The following CSMD1 variants were observed in gnomAD, a reference collection of about 807,000 sequenced individuals.
The protein encoded by CSMD1 is CUB and sushi domain-containing protein 1.
A neutral mutation model predicts 417.5 loss-of-function variants in CSMD1; 213 were observed. The observed-to-expected ratio is 0.51, with a 90% confidence interval of 0.46 to 0.57. The LOEUF (loss-of-function observed/expected upper bound fraction) is 0.57, where lower values mean the gene tolerates loss of function less well. Among genes scored for constraint, CSMD1 ranks in the 20% least tolerant of loss-of-function variants. The pLI is 0.00. For synonymous variants in CSMD1, 2,862 were observed against 1,736.8 expected, an observed-to-expected ratio of 1.65 and a Z score of -16.11; for missense variants, 6,923 against 4,529.7, an observed-to-expected ratio of 1.53 and a Z score of -15.17.
intron 15 of CSMD1, among the ~76,000 whole-genome samples, chr8:3,404,818 C>T (rs1336824604): frequency 3.3e-5 from 5 of 152,014 alleles, no homozygotes; most frequent in Non-Finnish European, 7.4e-5. Context: ...ACCTGAGACG[C>T]TTTGAGCTTA....
chr8:4,953,329 T>G (rs1808874177), intron 1 of CSMD1, among the ~76,000 whole-genome samples: 1 of 152,160 alleles, frequency 6.6e-6, no homozygotes, highest in African/African-American at 2.4e-5. Flanking sequence ...GAACTTGTTG[T>G]AACTTTTCAT....
chr8:3,551,833 G>A (rs950160546), intron 10 of CSMD1, among the ~76,000 whole-genome samples: 18 of 152,058 alleles, frequency 1.2e-4, no homozygotes, highest in African/African-American at 3.9e-4. Context: ...CAGTCTAGAC[G>A]TGGCTTTAGC....
chr8:4,905,426 C>G (rs1805179272), intron 1 of CSMD1, among the ~76,000 whole-genome samples: 3 of 152,016 alleles, frequency 2.0e-5, no homozygotes, highest in Admixed American at 2.0e-4. Flanking sequence ...AATACATATA[C>G]ATGTACACAT....
intron 6 of CSMD1, among the ~76,000 whole-genome samples, chr8:3,749,118 T>C (rs919760678): frequency 1.3e-5 from 2 of 152,160 alleles, no homozygotes; most frequent in Non-Finnish European, 2.9e-5. Context: ...TTTCAAAAAA[T>C]TTATCTTGTA....
chr8:3,024,979 T>C (rs1451872641), intron 51 of CSMD1, among the ~76,000 whole-genome samples: 2 of 151,924 alleles, frequency 1.3e-5, no homozygotes, highest in East Asian at 1.9e-4. Context: ...GTGGTGTTAT[T>C]CTAAAACTGT....
intron 11 of CSMD1, among the ~76,000 whole-genome samples, chr8:3,492,882 G>T (rs890476950): frequency 6.6e-6 from 1 of 152,108 alleles, no homozygotes; most frequent in African/African-American, 2.4e-5. Context: ...AGGAAGTCTG[G>T]AAAGGTGTAT....
chr8:4,670,677 A>G (rs745551537), intron 1 of CSMD1, among the ~76,000 whole-genome samples: 3 of 152,204 alleles, frequency 2.0e-5, no homozygotes, highest in Non-Finnish European at 4.4e-5. Context: ...AAATATTACT[A>G]TGATAGGTTT....
intron 3 of CSMD1, among the ~76,000 whole-genome samples, chr8:4,243,268 A>G (rs1210488405): frequency 1.3e-5 from 2 of 152,168 alleles, no homozygotes. Context: ...TTTCTTACCT[A>G]GTCTCATGAA....
intron 3 of CSMD1, among the ~76,000 whole-genome samples, chr8:4,172,172 G>C (rs891016472): frequency 6.6e-6 from 1 of 152,040 alleles, no homozygotes; most frequent in Non-Finnish European, 1.5e-5. Context: ...AAGTGTTTGT[G>C]CCTTTTAATG....
intron 3 of CSMD1, among the ~76,000 whole-genome samples, chr8:4,350,309 T>C (rs1288268112): frequency 2.6e-5 from 4 of 152,250 alleles, no homozygotes; most frequent in East Asian, 3.9e-4. Context: ...CTACTTGAGG[T>C]CTAACAGGCT....
intron 5 of CSMD1, among the ~76,000 whole-genome samples, chr8:3,834,351 G>A (rs76048382): frequency 0.012 from 1,835 of 152,166 alleles, 34 homozygotes; most frequent in African/African-American, 0.041. Context: ...GTAAGGTGGG[G>A]ACTGAGTTTA....
At chr8:4,317,328 G>T (rs1364298887) in intron 3 of CSMD1, among the ~76,000 whole-genome samples, 1 of 152,146 alleles carries the variant, frequency 6.6e-6, no homozygotes, top group Non-Finnish European at 1.5e-5. Flanking sequence ...CTAACGTGGG[G>T]TGCAGTGAAA....
chr8:4,753,413 A>C lies in CSMD1; in HGVS notation c.86-115855T>G, dbSNP rs1452077210. On this transcript the variant is annotated intron_variant, in intron 1 of 69. Coordinates refer to ENST00000635120, the MANE Select transcript of CSMD1 (RefSeq NM_033225.6). ...ACTTTCCACCATAAACCACACACAC[A>C]CACACACACACACACACACACACAC... 6.7e-3 allele frequency among the ~76,000 whole-genome samples: 322 copies of C among 48,208 alleles called. 5 individuals are homozygous for C. The highest frequency in any genetic ancestry group is 0.022 in the Middle Eastern group (2 of 92). 31.6% of individuals were successfully genotyped at this position (48,208 alleles called of 152,430 possible).
At chr8:3,585,209 T>C (rs893875322) in intron 9 of CSMD1, among the ~76,000 whole-genome samples, 2 of 152,202 alleles carry the variant, frequency 1.3e-5, no homozygotes, top group Non-Finnish European at 2.9e-5. Flanking sequence ...AGTGACGTGT[T>C]TGGTAACTAG....
At chr8:2,978,544 C>T (rs774089340) in intron 55 of CSMD1, 68 bp downstream of exon 55, 64 of 1,257,656 alleles carry the variant, frequency 5.1e-5, no homozygotes, top group African/African-American at 3.5e-4. Context: ...AATATACTTA[C>T]GGAATTTTCT....
chr8:4,913,702 A>G (rs933498617), intron 1 of CSMD1, among the ~76,000 whole-genome samples: 8 of 152,270 alleles, frequency 5.3e-5, no homozygotes, highest in South Asian at 4.1e-4. Flanking sequence ...CCTGACTACA[A>G]TTAATCTTAG....
intron 5 of CSMD1, among the ~76,000 whole-genome samples, chr8:3,761,432 C>A (rs1018946939): frequency 2.6e-5 from 4 of 151,662 alleles, no homozygotes; most frequent in Admixed American, 6.6e-5. Context: ...ATAAAAAAAC[C>A]CATATGGTAT....
chr8:3,602,449 A>T (rs1801409296), intron 8 of CSMD1, among the ~76,000 whole-genome samples: 1 of 152,144 alleles, frequency 6.6e-6, no homozygotes, highest in Admixed American at 6.5e-5. Flanking sequence ...ATGGCCCCAA[A>T]ATCAATGCAC....
At chr8:3,291,682 T>A (rs2117280629) in intron 25 of CSMD1, among the ~76,000 whole-genome samples, 1 of 152,206 alleles carries the variant, frequency 6.6e-6, no homozygotes, top group Middle Eastern at 3.4e-3. Flanking sequence ...ATTACCTTTA[T>A]CATTTTTTAT....
Sources: gnomAD v4.1 joint callset for allele counts (sites outside exome capture counted in the v4.1 genomes callset) on GRCh38, gnomAD v4.1.1 for gene constraint, MANE v1.5 for transcripts, NCBI Gene and HGNC (gene_info 2026-07-23, HGNC 2026-07-21) for gene names.